Variants in TMPRSS6 observed in about 807,000 individuals in gnomAD.
TMPRSS6 encodes the protein transmembrane protease serine 6.
TMPRSS6 carries 67 observed loss-of-function variants against 101.5 expected under a neutral mutation model. The ratio of observed to expected loss-of-function variants is 0.66; its 90% CI spans 0.54 to 0.81. TMPRSS6 has a LOEUF of 0.81. Ranked by LOEUF, TMPRSS6 falls within the 30% of genes least tolerant of loss-of-function variation. The pLI is 0.00. For missense variants in TMPRSS6, 1,034 were observed against 1,088.7 expected (o/e 0.95, Z 0.71); for synonymous variants, 453 against 464.9 (o/e 0.97, Z 0.33).
At chr22:37,100,803 G>T (rs1220010154) in intron 2 of TMPRSS6, among the ~76,000 whole-genome samples, 1 of 152,208 alleles carries the variant, frequency 6.6e-6, no homozygotes, top group Non-Finnish European at 1.5e-5. Context: ...GATCACGAAA[G>T]AAGCGGGTGG....
chr22:37,076,340 G>A (rs987479207), intron 10 of TMPRSS6, among the ~76,000 whole-genome samples: 1 of 152,164 alleles, frequency 6.6e-6, no homozygotes, highest in Admixed American at 6.5e-5. Flanking sequence ...GTGCTGATGG[G>A]CAGCACCTTC....
Sources: gnomAD v4.1 joint callset for allele counts (sites outside exome capture counted in the v4.1 genomes callset) on GRCh38, gnomAD v4.1.1 for gene constraint, MANE v1.5 for transcripts, NCBI Gene and HGNC (gene_info 2026-07-23, HGNC 2026-07-21) for gene names.